THSD7B: variants seen among roughly 807,000 people sequenced by gnomAD.
The protein encoded by THSD7B is thrombospondin type 1 domain containing 7B.
In THSD7B, 138 loss-of-function variants were observed where a neutral mutation model predicts 213.6. The ratio of observed to expected loss-of-function variants is 0.65; its 90% CI spans 0.56 to 0.74. The LOEUF (loss-of-function observed/expected upper bound fraction) is 0.74, where lower values mean the gene tolerates loss of function less well. THSD7B is among the 30% of genes least tolerant of loss of function. The pLI, the probability that THSD7B is intolerant of heterozygous loss-of-function variation, is 0.00. For synonymous variants in THSD7B, 742 were observed against 687.0 expected (o/e 1.08, Z -1.25); for missense variants, 1,931 against 1,991.5 (o/e 0.97, Z 0.58).
intron 2 of THSD7B, among the ~76,000 whole-genome samples, chr2:136,929,836 C>T (rs758634541): frequency 1.6e-4 from 25 of 152,098 alleles, no homozygotes; most frequent in Non-Finnish European, 2.8e-4. Flanking sequence ...ACTCCTGTGT[C>T]GCATGACTAG....
chr2:137,462,927 G>A (rs186391513), intron 15 of THSD7B, among the ~76,000 whole-genome samples: 2 of 152,078 alleles, frequency 1.3e-5, no homozygotes, highest in South Asian at 2.1e-4. Context: ...TAAGATCTAC[G>A]GTAAGAGGTA....
intron 12 of THSD7B, among the ~76,000 whole-genome samples, chr2:137,280,609 A>G (rs1283817444): frequency 6.6e-6 from 1 of 152,148 alleles, no homozygotes; most frequent in East Asian, 1.9e-4. Context: ...CTCCAGAAAG[A>G]TGGGCATTTT....
intron 7 of THSD7B, among the ~76,000 whole-genome samples, chr2:137,223,579 G>A (rs746718699): frequency 1.3e-5 from 2 of 152,192 alleles, no homozygotes; most frequent in South Asian, 2.1e-4. Context: ...ACAAGTTGGC[G>A]TTATTTTTAG....
chr2:137,487,734 T>TAAGG (rs1573655780), intron 15 of THSD7B, among the ~76,000 whole-genome samples: 4 of 57,238 alleles, frequency 7.0e-5, no homozygotes, highest in South Asian at 4.8e-4. Context: ...TGAGGTTTCT[T>TAAGG]TCTTTTTTTT....
chr2:137,655,758 G>T, intron 22 of THSD7B, 98 bp downstream of exon 22: 1 of 1,332,402 alleles, frequency 7.5e-7, no homozygotes, highest in Non-Finnish European at 1.0e-6. Context: ...CAAAATTAAA[G>T]TTTTTAAATA....
At chr2:137,211,219 G>A (rs961569259) in intron 7 of THSD7B, among the ~76,000 whole-genome samples, 9 of 151,614 alleles carry the variant, frequency 5.9e-5, no homozygotes, top group African/African-American at 2.2e-4. Flanking sequence ...GTAATTTATA[G>A]TTTAACTGTT....
At chr2:137,073,993 C>T (rs1480260126) in intron 3 of THSD7B, among the ~76,000 whole-genome samples, 1 of 152,060 alleles carries the variant, frequency 6.6e-6, no homozygotes. Context: ...CTGAGGAGTG[C>T]TTTACTTCCA....
At chr2:137,327,108 T>C (rs1323686991) in intron 12 of THSD7B, among the ~76,000 whole-genome samples, 5 of 152,216 alleles carry the variant, frequency 3.3e-5, no homozygotes, top group Admixed American at 3.3e-4. Context: ...TCATCTCCAA[T>C]GAAGGCTTAG....
chr2:137,126,815 T>A (rs1197823137), intron 5 of THSD7B, among the ~76,000 whole-genome samples: 1 of 152,182 alleles, frequency 6.6e-6, no homozygotes, highest in Admixed American at 6.6e-5. Context: ...TGACTCTTCC[T>A]TTCACTTGAA....
At chr2:137,007,476 G>T (rs1257270355) in intron 2 of THSD7B, among the ~76,000 whole-genome samples, 1 of 152,172 alleles carries the variant, frequency 6.6e-6, no homozygotes, top group Non-Finnish European at 1.5e-5. Flanking sequence ...GAAAAGACTA[G>T]AGGTGTCCAG....
At chr2:137,383,658 T>G (rs907201267) in intron 12 of THSD7B, among the ~76,000 whole-genome samples, 3 of 152,182 alleles carry the variant, frequency 2.0e-5, no homozygotes, top group African/African-American at 7.2e-5. Flanking sequence ...AGAGCCACTA[T>G]TGCCTGTAAA....
intron 17 of THSD7B, among the ~76,000 whole-genome samples, chr2:137,589,580 G>T (rs1038191481): frequency 6.6e-6 from 1 of 151,928 alleles, no homozygotes; most frequent in Admixed American, 6.6e-5. Flanking sequence ...TATAGTGTTG[G>T]GTTTTCTTTT....
chr2:137,270,868 A>T (rs537327276), intron 10 of THSD7B, among the ~76,000 whole-genome samples: 2 of 152,316 alleles, frequency 1.3e-5, no homozygotes, highest in East Asian at 1.9e-4. Context: ...TCTGAAGTTC[A>T]TAAATCAAGA....
chr2:137,636,129 C>G (rs536385640), intron 20 of THSD7B, among the ~76,000 whole-genome samples: 1 of 152,220 alleles, frequency 6.6e-6, no homozygotes, highest in East Asian at 1.9e-4. Context: ...GACAGCCAAG[C>G]CCCTCATAAC....
At chr2:137,015,875 C>G (rs1380370962) in intron 2 of THSD7B, among the ~76,000 whole-genome samples, 1 of 152,160 alleles carries the variant, frequency 6.6e-6, no homozygotes, top group Non-Finnish European at 1.5e-5. Flanking sequence ...GCACACAGAG[C>G]TCAGTTCCCC....
intron 3 of THSD7B, among the ~76,000 whole-genome samples, chr2:137,089,757 A>G (rs1007056322): frequency 6.6e-6 from 1 of 152,078 alleles, no homozygotes; most frequent in African/African-American, 2.4e-5. Flanking sequence ...CATCACCACT[A>G]AAGAACTTTA....
At chr2:137,521,542 T>G (rs768617887) in intron 15 of THSD7B, among the ~76,000 whole-genome samples, 1 of 152,196 alleles carries the variant, frequency 6.6e-6, no homozygotes, top group Non-Finnish European at 1.5e-5. Flanking sequence ...GTTGGACTCT[T>G]TCTCTTGCCC....
intron 2 of THSD7B, among the ~76,000 whole-genome samples, chr2:136,988,874 A>G (rs1685714196): frequency 6.6e-6 from 1 of 152,234 alleles, no homozygotes; most frequent in African/African-American, 2.4e-5. Context: ...CTAGGTGATA[A>G]GGATGCAGGA....
At chr2:137,516,939 C>T (rs1680080938) in intron 15 of THSD7B, among the ~76,000 whole-genome samples, 1 of 152,236 alleles carries the variant, frequency 6.6e-6, no homozygotes, top group Non-Finnish European at 1.5e-5. Context: ...TTCAACTCTC[C>T]TATTTGAGCT....
Sources: allele counts gnomAD v4.1 joint callset (sites outside exome capture counted in the v4.1 genomes callset), GRCh38; gene constraint gnomAD v4.1.1; transcripts MANE v1.5; gene names NCBI Gene and HGNC (gene_info 2026-07-23, HGNC 2026-07-21).